Variants in MBOAT2 observed in about 807,000 individuals in gnomAD.
MBOAT2 encodes membrane bound glycerophospholipid O-acyltransferase 2, also known as membrane-bound glycerophospholipid O-acyltransferase 2.
MBOAT2 carries 28 observed loss-of-function variants against 63.4 expected under a neutral mutation model. The ratio of observed to expected loss-of-function variants is 0.44; its 90% CI spans 0.33 to 0.61. The LOEUF is 0.61. Among genes scored for constraint, MBOAT2 ranks in the 20% least tolerant of loss-of-function variants. MBOAT2 has a pLI of 0.03. For missense variants in MBOAT2, 470 were observed against 605.8 expected (o/e 0.78, Z 2.35); for synonymous variants, 211 against 215.6 (o/e 0.98, Z 0.19).
At chr2:8,914,430 T>C (rs1251184371) in intron 3 of MBOAT2, among the ~76,000 whole-genome samples, 1 of 152,082 alleles carries the variant, frequency 6.6e-6, no homozygotes, top group African/African-American at 2.4e-5. Flanking sequence ...CATTTATTTA[T>C]AGTCATTTTT....
intron 3 of MBOAT2, among the ~76,000 whole-genome samples, chr2:8,917,605 A>G (rs1573046334): frequency 6.6e-6 from 1 of 152,198 alleles, no homozygotes; most frequent in Non-Finnish European, 1.5e-5. Context: ...TGGGAACAGA[A>G]AGGAACTGGC....
intron 4 of MBOAT2, among the ~76,000 whole-genome samples, chr2:8,889,895 C>T (rs763178120): frequency 3.3e-5 from 5 of 152,154 alleles, no homozygotes; most frequent in African/African-American, 4.8e-5. Flanking sequence ...AACTTCTATT[C>T]CATCAGGTGC....
At chr2:8,941,091 T>G (rs900519205) in intron 3 of MBOAT2, among the ~76,000 whole-genome samples, 7 of 151,664 alleles carry the variant, frequency 4.6e-5, no homozygotes, top group African/African-American at 1.7e-4. Context: ...ATTCAGATAA[T>G]AAGAAAAAAA....
chr2:8,945,477 T>C (rs1346573342), intron 2 of MBOAT2, among the ~76,000 whole-genome samples: 3 of 152,200 alleles, frequency 2.0e-5, no homozygotes, highest in Admixed American at 6.5e-5. Flanking sequence ...AACTATTAAG[T>C]ATTATTAGTA....
At chr2:8,917,478 GA>G (rs1666269294) in intron 3 of MBOAT2, among the ~76,000 whole-genome samples, 1 of 151,934 alleles carries the variant, frequency 6.6e-6, no homozygotes, top group South Asian at 2.1e-4. Context: ...AACAGTACAG[GA>G]AAAAAATGTT....
chr2:8,911,138 G>C (rs549559313), intron 3 of MBOAT2, among the ~76,000 whole-genome samples: 27 of 152,168 alleles, frequency 1.8e-4, no homozygotes, highest in Non-Finnish European at 3.7e-4. Context: ...TTGTCCTATG[G>C]CTGATCATCA....
intron 1 of MBOAT2, among the ~76,000 whole-genome samples, chr2:8,968,092 C>A (rs1294915449): frequency 6.6e-6 from 1 of 151,988 alleles, no homozygotes; most frequent in African/African-American, 2.4e-5. Flanking sequence ...TCAAGTGGGT[C>A]CCTGACCCCC....
Position 8,860,626 on chromosome 2 carries a change from G to C in MBOAT2, c.1324C>G (p.Leu442Val). 6.2e-7 allele frequency: 1 copy of C among 1,612,824 alleles called. No individual in the cohort carries two copies. The highest frequency in any genetic ancestry group is 2.2e-5 in the East Asian group (1 of 44,792). The change falls in exon 12 of 13, where the codon CTC becomes GTC. Residue 442 changes from leucine (L) to valine (V), a missense_variant. Leu to Val is a conservative substitution (Grantham distance 32). Coordinates refer to ENST00000305997, the MANE Select transcript of MBOAT2 (RefSeq NM_138799.4). ...AGTAACACTTACCTGTAAAACGTGA[G>C]TGATGGTTTTATAGAAAGAAGCACA... is the stretch of plus-strand genomic sequence containing the variant. ...PFVLLSIKPS[L>V]TFYSSWYYCL...
chr2:8,992,412 C>T (rs773761014), intron 1 of MBOAT2, among the ~76,000 whole-genome samples: 9 of 152,182 alleles, frequency 5.9e-5, no homozygotes, highest in South Asian at 2.1e-4. Flanking sequence ...GCTAGGATTA[C>T]GGGCATGAGC....
intron 4 of MBOAT2, among the ~76,000 whole-genome samples, chr2:8,900,596 T>A (rs1664847984): frequency 6.6e-6 from 1 of 152,184 alleles, no homozygotes; most frequent in African/African-American, 2.4e-5. Context: ...TTTGGAGATT[T>A]CTTTGCTTAT....
chr2:8,951,409 T>C (rs1321270351), intron 2 of MBOAT2, among the ~76,000 whole-genome samples: 3 of 152,196 alleles, frequency 2.0e-5, no homozygotes, highest in African/African-American at 7.2e-5. Flanking sequence ...CTTGCCATGT[T>C]GGCCAGGCTG....
intron 8 of MBOAT2, among the ~76,000 whole-genome samples, chr2:8,872,080 C>T (rs985457943): frequency 4.6e-5 from 7 of 152,310 alleles, no homozygotes; most frequent in Admixed American, 3.3e-4. Flanking sequence ...CCTTTTGTGG[C>T]TAATTCAGCA....
intron 3 of MBOAT2, among the ~76,000 whole-genome samples, chr2:8,931,976 C>T (rs1177677305): frequency 6.6e-6 from 1 of 152,014 alleles, no homozygotes; most frequent in Non-Finnish European, 1.5e-5. Flanking sequence ...CATAAATGTT[C>T]AATTTTCGCC....
intron 3 of MBOAT2, among the ~76,000 whole-genome samples, chr2:8,938,533 G>A (rs866580081): frequency 1.1e-4 from 16 of 150,188 alleles, no homozygotes; most frequent in Admixed American, 2.7e-4. Context: ...GTTTCATGCC[G>A]CCACGTTTCA....
chr2:8,911,607 G>C (rs986774507), intron 3 of MBOAT2, among the ~76,000 whole-genome samples: 3 of 152,090 alleles, frequency 2.0e-5, no homozygotes, highest in African/African-American at 7.2e-5. Flanking sequence ...CTTCCCTGGG[G>C]GATGAGAAGG....
intron 2 of MBOAT2, among the ~76,000 whole-genome samples, chr2:8,949,939 T>C (rs1668707088): frequency 6.6e-6 from 1 of 152,232 alleles, no homozygotes; most frequent in Non-Finnish European, 1.5e-5. Context: ...GCATTGACTC[T>C]TCCAATCCAT....
intron 3 of MBOAT2, among the ~76,000 whole-genome samples, chr2:8,940,725 T>A (rs1667991708): frequency 6.6e-6 from 1 of 152,058 alleles, no homozygotes; most frequent in Admixed American, 6.6e-5. Flanking sequence ...TACACGTGGG[T>A]CAATCAAAGC....
chr2:8,856,992 A>G lies in MBOAT2; in HGVS notation c.*1687T>C, dbSNP rs901697598. The G allele has an allele frequency of 4.6e-5, 7 of 152,576 alleles. No homozygotes were observed. Among genetic ancestry groups the G allele is most frequent in the Non-Finnish European group, 7.3e-5 (5 of 68,040 alleles). The allele number at this position is 152,576 out of a possible 1,614,324, so 9.5% of individuals were successfully genotyped here. ...TAGATTAGGATATTTCTAAACTTCA[A>G]AAAAGACACATGCCCATTTTTGCTG... On this transcript the variant is annotated 3_prime_UTR_variant, in exon 13 of 13. Coordinates refer to ENST00000305997, the MANE Select transcript of MBOAT2 (RefSeq NM_138799.4). The surrounding 1 kb of genome is among the most constrained non-coding windows in gnomAD (Gnocchi z 4.2).
At chr2:8,929,489 C>A (rs1452088594) in intron 3 of MBOAT2, among the ~76,000 whole-genome samples, 3 of 152,200 alleles carry the variant, frequency 2.0e-5, no homozygotes, top group African/African-American at 7.2e-5. Context: ...GTAGCTGGGA[C>A]TGCAGGCATA....
Sources: gnomAD v4.1 joint callset for allele counts (sites outside exome capture counted in the v4.1 genomes callset) on GRCh38, gnomAD v4.1.1 for gene constraint, Gnocchi (gnomAD v3.1) non-coding constraint, MANE v1.5 for transcripts, NCBI Gene and HGNC (gene_info 2026-07-23, HGNC 2026-07-21) for gene names.